Variants in CNTN4 observed in about 807,000 individuals in gnomAD.
CNTN4 encodes the protein contactin-4.
In CNTN4, 77 loss-of-function variants were observed where a neutral mutation model predicts 122.5. The observed-to-expected ratio is 0.63, with a 90% CI of 0.52 to 0.76. The LOEUF (loss-of-function observed/expected upper bound fraction) is 0.76. Among genes scored for constraint, CNTN4 ranks in the 30% least tolerant of loss-of-function variants. CNTN4 has a pLI of 0.00. For synonymous variants in CNTN4, 512 were observed against 447.0 expected (o/e 1.15, Z -1.83); for missense variants, 1,256 against 1,259.1 (o/e 1.00, Z 0.04).
intron 12 of CNTN4, among the ~76,000 whole-genome samples, chr3:2,911,773 T>C (rs1363152444): frequency 2.0e-5 from 3 of 152,058 alleles, no homozygotes; most frequent in Non-Finnish European, 2.9e-5. Context: ...GTGAAGAATA[T>C]AGTAAGTGAA....
At chr3:2,669,955 A>C (rs1378107720) in intron 4 of CNTN4, among the ~76,000 whole-genome samples, 7 of 152,264 alleles carry the variant, frequency 4.6e-5, no homozygotes, top group African/African-American at 1.4e-4. Flanking sequence ...GTGGTCTGAC[A>C]GACAATTTGT....
chr3:2,187,387 C>T (rs2037321127), intron 2 of CNTN4, among the ~76,000 whole-genome samples: 1 of 152,062 alleles, frequency 6.6e-6, no homozygotes, highest in Non-Finnish European at 1.5e-5. Flanking sequence ...GTTCTTTTGG[C>T]TTAGGATTGT....
chr3:2,600,429 C>G (rs2080988131), intron 4 of CNTN4, among the ~76,000 whole-genome samples: 1 of 152,094 alleles, frequency 6.6e-6, no homozygotes, highest in Non-Finnish European at 1.5e-5. Context: ...CAATTCCCAC[C>G]TATGAGTGAG....
intron 6 of CNTN4, among the ~76,000 whole-genome samples, chr3:2,761,376 T>G (rs1414367267): frequency 6.6e-6 from 1 of 152,008 alleles, no homozygotes; most frequent in African/African-American, 2.4e-5. Flanking sequence ...TATTTGAGAA[T>G]TATTTAAGTT....
intron 2 of CNTN4, among the ~76,000 whole-genome samples, chr3:2,130,045 G>A (rs1393088953): frequency 3.3e-5 from 5 of 152,056 alleles, no homozygotes; most frequent in African/African-American, 9.7e-5. Context: ...TAAATAACTA[G>A]TGGTAAAGTG....
chr3:2,442,629 A>G (rs2048482007), intron 3 of CNTN4, among the ~76,000 whole-genome samples: 1 of 151,926 alleles, frequency 6.6e-6, no homozygotes, highest in South Asian at 2.1e-4. Context: ...GGATTTGTCT[A>G]AAAAAGGAAA....
chr3:2,752,715 A>G (rs2090154088), intron 6 of CNTN4, among the ~76,000 whole-genome samples: 1 of 151,938 alleles, frequency 6.6e-6, no homozygotes, highest in Non-Finnish European at 1.5e-5. Flanking sequence ...TATCCCTCCT[A>G]TCTAGCTGTA....
intron 6 of CNTN4, among the ~76,000 whole-genome samples, chr3:2,773,762 C>CATTTTTTTTTT (rs2091201235): frequency 9.3e-6 from 1 of 107,544 alleles, no homozygotes; most frequent in Non-Finnish European, 1.8e-5. Flanking sequence ...ATGTAGTAGA[C>CATTTTTTTTTT]TTTTTTTTTT....
At chr3:2,877,045 G>A (rs929158625) in intron 8 of CNTN4, among the ~76,000 whole-genome samples, 2 of 152,184 alleles carry the variant, frequency 1.3e-5, no homozygotes, top group African/African-American at 4.8e-5. Context: ...TTGATTTCAA[G>A]TTTGAGAACC....
At chr3:2,663,117 G>A (rs1413985765) in intron 4 of CNTN4, among the ~76,000 whole-genome samples, 2 of 150,426 alleles carry the variant, frequency 1.3e-5, no homozygotes, top group East Asian at 1.9e-4. Flanking sequence ...AAAAAAAAAA[G>A]AAAAGGGAAA....
At chr3:2,437,764 G>C (rs536432328) in intron 3 of CNTN4, among the ~76,000 whole-genome samples, 7 of 152,182 alleles carry the variant, frequency 4.6e-5, no homozygotes, top group Non-Finnish European at 7.3e-5. Context: ...AGCGTGAAGC[G>C]TAATCGCCAA....
At position 2,810,879 on chromosome 3, in the gene CNTN4, A is replaced by G. The variant is rs548814854; in HGVS notation, c.359-8607A>G. On this transcript the variant is annotated intron_variant, in intron 6 of 24. Transcript: ENST00000418658. ...GACCGAAGAGGGTGACAAAAAACTC[A>G]GGCAGTTGGAGAGAGAACACTGTGA... 4.6e-5 allele frequency among the ~76,000 whole-genome samples: 7 copies of G among 152,312 alleles called. No individual in the cohort carries two copies. The East Asian group carries it at 1.4e-3, about 29-fold the overall frequency.
At chr3:2,255,080 C>T (rs1285586213) in intron 2 of CNTN4, among the ~76,000 whole-genome samples, 1 of 151,994 alleles carries the variant, frequency 6.6e-6, no homozygotes, top group Non-Finnish European at 1.5e-5. Flanking sequence ...TAAGGAAGGG[C>T]TCCAGTTTCA....
At chr3:2,778,722 G>A (rs558949330) in intron 6 of CNTN4, among the ~76,000 whole-genome samples, 3 of 152,196 alleles carry the variant, frequency 2.0e-5, no homozygotes, top group Admixed American at 1.3e-4. Flanking sequence ...CCAATTCAGT[G>A]GGTTCAGCAT....
intron 4 of CNTN4, among the ~76,000 whole-genome samples, chr3:2,577,423 T>C (rs1049893993): frequency 6.6e-6 from 1 of 152,230 alleles, no homozygotes; most frequent in African/African-American, 2.4e-5. Context: ...ATAAATATTA[T>C]CTGGGTCCTG....
chr3:2,383,227 A>C (rs1230404830), intron 3 of CNTN4, among the ~76,000 whole-genome samples: 1 of 152,176 alleles, frequency 6.6e-6, no homozygotes, highest in Non-Finnish European at 1.5e-5. Flanking sequence ...AATAATGATA[A>C]TCTTATCCAA....
At chr3:2,714,249 A>T (rs900274632) in intron 4 of CNTN4, among the ~76,000 whole-genome samples, 11 of 152,204 alleles carry the variant, frequency 7.2e-5, no homozygotes, top group Non-Finnish European at 1.5e-4. Context: ...TTTATAAAGC[A>T]GGTGAGACTC....
chr3:2,941,601 T>C (rs1287034687), intron 13 of CNTN4, among the ~76,000 whole-genome samples: 1 of 152,190 alleles, frequency 6.6e-6, no homozygotes, highest in East Asian at 1.9e-4. Flanking sequence ...TCTCCTTCTT[T>C]CTATGTGCAT....
At chr3:2,404,617 G>A (rs1285158125) in intron 3 of CNTN4, among the ~76,000 whole-genome samples, 1 of 151,962 alleles carries the variant, frequency 6.6e-6, no homozygotes, top group Non-Finnish European at 1.5e-5. Context: ...GATTACATTG[G>A]GCCAACTGAT....
Sources: allele counts gnomAD v4.1 joint callset (sites outside exome capture counted in the v4.1 genomes callset), GRCh38; gene constraint gnomAD v4.1.1; transcripts MANE v1.5; gene names NCBI Gene and HGNC (gene_info 2026-07-23, HGNC 2026-07-21).